Variants in PREX2 observed in about 807,000 individuals in gnomAD.
PREX2 encodes phosphatidylinositol 3,4,5-trisphosphate-dependent Rac exchanger 2 protein.
In PREX2, 107 loss-of-function variants were observed where a neutral mutation model predicts 203.2. That is an observed-to-expected ratio of 0.53 (90% confidence interval 0.45 to 0.62). The LOEUF (loss-of-function observed/expected upper bound fraction) is 0.62. Among genes scored for constraint, PREX2 ranks in the 20% least tolerant of loss-of-function variants. The pLI is 0.00. For missense variants in PREX2, 1,777 were observed against 1,955.9 expected (o/e 0.91, Z 1.72); for synonymous variants, 672 against 663.6 (o/e 1.01, Z -0.19).
In PREX2 at chr8:68,233,614, A is replaced by G. The variant is rs541903098; in HGVS notation, c.*2236A>G. 1 of 152,362 alleles carries G rather than the reference A, an allele frequency of 6.6e-6. No individual in the cohort carries two copies. The highest frequency in any genetic ancestry group is 2.1e-4 in the South Asian group (1 of 4,826). 9.4% of individuals were successfully genotyped at this position (152,362 alleles called of 1,614,324 possible). A position where few individuals can be genotyped will look rare whatever the true frequency, so the allele number is the denominator to read the frequency against. On this transcript the variant is annotated 3_prime_UTR_variant, in exon 40 of 40. Transcript: ENST00000288368. ...AGCTAACACTTATTAAGGGATTACT[A>G]CATGCCCAGTAATACCTCCAAATGC...
At chr8:67,990,929 C>T (rs982957479) in intron 1 of PREX2, among the ~76,000 whole-genome samples, 22 of 152,094 alleles carry the variant, frequency 1.4e-4, no homozygotes, top group Non-Finnish European at 8.8e-5. Context: ...CCCAAGATCC[C>T]CAGCAGCCTA....
intron 31 of PREX2, among the ~76,000 whole-genome samples, chr8:68,129,016 C>G (rs1449322741): frequency 6.6e-6 from 1 of 152,162 alleles, no homozygotes; most frequent in African/African-American, 2.4e-5. Flanking sequence ...TTACTAATAA[C>G]ACAATTCATG....
chr8:67,974,992 C>G (rs1806032843), intron 1 of PREX2, among the ~76,000 whole-genome samples: 1 of 152,124 alleles, frequency 6.6e-6, no homozygotes, highest in Non-Finnish European at 1.5e-5. Flanking sequence ...GCTGTGTGTT[C>G]CTCATACCAC....
At chr8:68,127,827 G>A (rs981937557) in intron 31 of PREX2, among the ~76,000 whole-genome samples, 7 of 151,868 alleles carry the variant, frequency 4.6e-5, no homozygotes, top group African/African-American at 1.7e-4. Context: ...GCACTTAGTG[G>A]GAGCTCAAAA....
chr8:68,174,875 G>A (rs1811948390), intron 35 of PREX2, among the ~76,000 whole-genome samples: 1 of 152,156 alleles, frequency 6.6e-6, no homozygotes. Flanking sequence ...CTTAGCAGAC[G>A]GGTCTTCCTA....
rs566729681 is a variant in PREX2 at position 68,072,667 on chromosome 8, G to A, written c.1569+97G>A. On this transcript the variant is annotated intron_variant, in intron 14 of 39. Transcript: ENST00000288368. ...CTTTATTCTTTTTCATCTGTAGCAG[G>A]CATTTAAAAAAAGAAGTACATACAA... The A allele has an allele frequency of 5.7e-6, 4 of 696,994 alleles. No individual in the cohort carries two copies. The South Asian group carries it at 7.6e-5, about 13-fold the overall frequency. The allele number at this position is 696,994 out of a possible 1,614,324, so 43.2% of individuals were successfully genotyped here. A position where few individuals can be genotyped will look rare whatever the true frequency, so the allele number is the denominator to read the frequency against.
At chr8:68,207,124 AATC>A (rs1408838503) in intron 37 of PREX2, among the ~76,000 whole-genome samples, 1 of 152,156 alleles carries the variant, frequency 6.6e-6, no homozygotes, top group African/African-American at 2.4e-5. Context: ...CTATAAGACT[AATC>A]AGTATGCTCT....
intron 37 of PREX2, among the ~76,000 whole-genome samples, chr8:68,202,668 A>G (rs1812529121): frequency 6.6e-6 from 1 of 152,126 alleles, no homozygotes; most frequent in Non-Finnish European, 1.5e-5. Context: ...GTGATTGGTG[A>G]GAAATAAAGA....
At chr8:68,207,131 A>G (rs1191165405) in intron 37 of PREX2, among the ~76,000 whole-genome samples, 1 of 152,186 alleles carries the variant, frequency 6.6e-6, no homozygotes, top group Non-Finnish European at 1.5e-5. Flanking sequence ...ACTAATCAGT[A>G]TGCTCTAATA....
chr8:68,155,204 A>G (rs1355798536), intron 34 of PREX2, among the ~76,000 whole-genome samples: 1 of 152,172 alleles, frequency 6.6e-6, no homozygotes, highest in East Asian at 1.9e-4. Context: ...TAAAGTAATC[A>G]GTATACCAAA....
chr8:67,984,791 T>A (rs963591964), intron 1 of PREX2, among the ~76,000 whole-genome samples: 6 of 152,174 alleles, frequency 3.9e-5, no homozygotes, highest in African/African-American at 1.4e-4. Flanking sequence ...TTCTGGGTCA[T>A]GTTCATTTCA....
At chr8:68,115,378 G>A (rs533899909) in intron 25 of PREX2, among the ~76,000 whole-genome samples, 1 of 152,278 alleles carries the variant, frequency 6.6e-6, no homozygotes, top group South Asian at 2.1e-4. Flanking sequence ...ATGGCCAGGG[G>A]CTAGAGGTGA....
intron 1 of PREX2, among the ~76,000 whole-genome samples, chr8:67,966,576 A>G (rs1410055193): frequency 2.0e-5 from 3 of 152,168 alleles, no homozygotes; most frequent in Non-Finnish European, 2.9e-5. Flanking sequence ...AGCCTGGGCA[A>G]CATGGTGAGA....
At chr8:67,986,167 G>A (rs1272545079) in intron 1 of PREX2, among the ~76,000 whole-genome samples, 1 of 152,118 alleles carries the variant, frequency 6.6e-6, no homozygotes, top group East Asian at 1.9e-4. Flanking sequence ...GGATAACCAG[G>A]TTATATTGAT....
At chr8:68,047,474 T>TATATATATATATATATATATACAC (rs1554570824) in intron 8 of PREX2, among the ~76,000 whole-genome samples, 20 of 4,094 alleles carry the variant, frequency 4.9e-3, no homozygotes, top group African/African-American at 0.025. Context: ...TGAATTTATA[T>TATATATATATATATATATATACAC]ATATATATAT....
intron 24 of PREX2, 113 bp downstream of exon 24, chr8:68,108,444 T>G: frequency 1.4e-6 from 1 of 690,074 alleles, no homozygotes; most frequent in Non-Finnish European, 2.4e-6. Flanking sequence ...AGCATGAACT[T>G]TTATAAAGGA....
chr8:68,151,515 T>C (rs2129613794), intron 34 of PREX2, among the ~76,000 whole-genome samples: 1 of 152,248 alleles, frequency 6.6e-6, no homozygotes, highest in African/African-American at 2.4e-5. Flanking sequence ...TCGACAGATG[T>C]TAAGCACGGT....
chr8:68,075,092 A>G (rs1809305399), intron 14 of PREX2, among the ~76,000 whole-genome samples: 1 of 152,196 alleles, frequency 6.6e-6, no homozygotes, highest in African/African-American at 2.4e-5. Flanking sequence ...CTCATAGTTC[A>G]TAATTAAATA....
chr8:68,176,682 G>A (rs1478503849), intron 35 of PREX2: 1 of 152,170 alleles, frequency 6.6e-6, no homozygotes, highest in African/African-American at 2.4e-5. Flanking sequence ...TAACCACAGA[G>A]ATTTGTATCT....
Sources: allele counts gnomAD v4.1 joint callset (sites outside exome capture counted in the v4.1 genomes callset), GRCh38; gene constraint gnomAD v4.1.1; transcripts MANE v1.5; gene names NCBI Gene and HGNC (gene_info 2026-07-23, HGNC 2026-07-21).